Variants in PRR16 observed in about 807,000 individuals in gnomAD.
PRR16 encodes protein Largen.
Under a neutral mutation model 18.2 loss-of-function variants are expected in PRR16, and 6 were observed. That is an observed-to-expected ratio of 0.33 (90% CI 0.18 to 0.65). The LOEUF (loss-of-function observed/expected upper bound fraction) is 0.65. Among genes scored for constraint, PRR16 ranks in the 30% least tolerant of loss-of-function variants. PRR16 has a pLI of 0.74. For missense variants in PRR16, 412 were observed against 376.6 expected, an observed-to-expected ratio of 1.09 and a Z score of -0.78; for synonymous variants, 151 against 147.8, an observed-to-expected ratio of 1.02 and a Z score of -0.16.
At chr5:120,773,526 A>G in the PRR16 span, among the ~76,000 whole-genome samples, 3 of 152,164 alleles carry the variant, frequency 2.0e-5, no homozygotes, top group Admixed American at 2.0e-4. Context: ...CTGCCACTCA[A>G]TACTTTCATT....
chr5:120,565,971 T>C (rs1352333318), intron 1 of PRR16, among the ~76,000 whole-genome samples: 3 of 152,228 alleles, frequency 2.0e-5, no homozygotes, highest in Non-Finnish European at 4.4e-5. Flanking sequence ...TATTCTGTGT[T>C]AAATATATAA....
intron 1 of PRR16, among the ~76,000 whole-genome samples, chr5:120,489,587 G>T (rs1445878406): frequency 6.6e-6 from 1 of 152,230 alleles, no homozygotes; most frequent in East Asian, 1.9e-4. Flanking sequence ...GCACACTGAT[G>T]GGTCTTGACT....
intron 1 of PRR16, among the ~76,000 whole-genome samples, chr5:120,636,168 G>A (rs1231752069): frequency 6.6e-6 from 1 of 151,970 alleles, no homozygotes; most frequent in African/African-American, 2.4e-5. Flanking sequence ...CTCCTGAATG[G>A]GTAGAATCAA....
chr5:120,565,705 A>G (rs1197622260), intron 1 of PRR16, among the ~76,000 whole-genome samples: 2 of 152,210 alleles, frequency 1.3e-5, no homozygotes. Context: ...GTAAGAAGAG[A>G]TTTTCCTGTG....
chr5:120,498,669 C>A (rs1301731359), intron 1 of PRR16, among the ~76,000 whole-genome samples: 2 of 150,988 alleles, frequency 1.3e-5, no homozygotes, highest in South Asian at 2.1e-4. Flanking sequence ...GTTTAAAGAA[C>A]TTTCTTTAGT....
chr5:120,495,744 A>G (rs964832948), intron 1 of PRR16, among the ~76,000 whole-genome samples: 2 of 152,132 alleles, frequency 1.3e-5, no homozygotes, highest in Admixed American at 6.5e-5. Flanking sequence ...TATGTAGACA[A>G]TCGTACCCTT....
At chr5:120,595,530 A>T (rs959272143) in intron 1 of PRR16, among the ~76,000 whole-genome samples, 1 of 151,950 alleles carries the variant, frequency 6.6e-6, no homozygotes, top group Admixed American at 6.6e-5. Flanking sequence ...CATTGTCGGA[A>T]GTAGTGTGAC....
chr5:120,491,616 T>C (rs372910310), intron 1 of PRR16, among the ~76,000 whole-genome samples: 53 of 152,216 alleles, frequency 3.5e-4, no homozygotes, highest in African/African-American at 1.3e-3. Flanking sequence ...TAATCTTGGC[T>C]CACTGCAACC....
chr5:120,794,093 C>T, the PRR16 span, among the ~76,000 whole-genome samples: 1 of 152,056 alleles, frequency 6.6e-6, no homozygotes, highest in Non-Finnish European at 1.5e-5. Context: ...ATGACATTTT[C>T]CTCCCACCAC....
chr5:120,786,088 GTTT>G, the PRR16 span, among the ~76,000 whole-genome samples: 1 of 136,808 alleles, frequency 7.3e-6, no homozygotes, highest in Non-Finnish European at 1.6e-5. Flanking sequence ...GAAAGCTTTT[GTTT>G]TTTTTTTTTG....
chr5:120,486,123 T>C (rs986164279), intron 1 of PRR16, among the ~76,000 whole-genome samples: 2 of 152,176 alleles, frequency 1.3e-5, no homozygotes, highest in African/African-American at 2.4e-5. Flanking sequence ...TGTGCATGTG[T>C]CTTTATAGCA....
chr5:120,582,528 A>G (rs189680565), intron 1 of PRR16, among the ~76,000 whole-genome samples: 2 of 152,230 alleles, frequency 1.3e-5, no homozygotes, highest in Admixed American at 1.3e-4. Context: ...GAACCAAAGC[A>G]AAACAAATAA....
chr5:120,758,137 T>C, the PRR16 span, among the ~76,000 whole-genome samples: 1 of 152,146 alleles, frequency 6.6e-6, no homozygotes. Context: ...TAATTATGCA[T>C]TTAGGTCAGT....
At chr5:120,673,563 A>G (rs773681506) in intron 1 of PRR16, among the ~76,000 whole-genome samples, 1 of 152,178 alleles carries the variant, frequency 6.6e-6, no homozygotes, top group African/African-American at 2.4e-5. Flanking sequence ...TACAAATCTT[A>G]TCTAGAGTGG....
chr5:120,474,907 T>C (rs1204043771), intron 1 of PRR16, among the ~76,000 whole-genome samples: 2 of 152,190 alleles, frequency 1.3e-5, no homozygotes, highest in Non-Finnish European at 2.9e-5. Context: ...CCTTGACTAG[T>C]GGAAGGACTT....
the PRR16 span, among the ~76,000 whole-genome samples, chr5:120,711,011 T>G: frequency 6.6e-6 from 1 of 152,148 alleles, no homozygotes. Context: ...TTCCTCCATT[T>G]TCAAAGCCAG....
intron 1 of PRR16, among the ~76,000 whole-genome samples, chr5:120,519,973 C>T (rs1751120469): frequency 6.6e-6 from 1 of 151,968 alleles, no homozygotes; most frequent in Non-Finnish European, 1.5e-5. Flanking sequence ...TCCATACACT[C>T]ATTTCTTCAG....
chr5:120,582,620 TAAA>T (rs1753310589), intron 1 of PRR16, among the ~76,000 whole-genome samples: 1 of 152,192 alleles, frequency 6.6e-6, no homozygotes, highest in Non-Finnish European at 1.5e-5. Context: ...TTAAGGACTT[TAAA>T]AACAATCTGG....
At chr5:120,614,169 A>C (rs1454157865) in intron 1 of PRR16, among the ~76,000 whole-genome samples, 1 of 152,224 alleles carries the variant, frequency 6.6e-6, no homozygotes, top group Non-Finnish European at 1.5e-5. Flanking sequence ...TTTTAAAAAT[A>C]TATGTCATTG....
Sources: allele counts gnomAD v4.1 joint callset (sites outside exome capture counted in the v4.1 genomes callset), GRCh38; gene constraint gnomAD v4.1.1; transcripts MANE v1.5; gene names NCBI Gene and HGNC (gene_info 2026-07-23, HGNC 2026-07-21).